Variants in CAMK2D observed in about 807,000 individuals in gnomAD.
CAMK2D encodes the protein calcium/calmodulin dependent protein kinase II delta.
CAMK2D carries 37 observed loss-of-function variants against 84.0 expected under a neutral mutation model. The ratio of observed to expected loss-of-function variants is 0.44; its 90% CI spans 0.34 to 0.58. The LOEUF is 0.58. CAMK2D is among the 20% of genes least tolerant of loss of function. The probability of loss-of-function intolerance (pLI) is 0.02; values close to 1 mark genes in which losing one functional copy is unlikely to be tolerated. For missense variants in CAMK2D, 448 were observed against 652.5 expected (o/e 0.69, Z 3.41); for synonymous variants, 202 against 212.5 (o/e 0.95, Z 0.43).
chr4:113,611,130 T>C (rs2098998617), intron 3 of CAMK2D, among the ~76,000 whole-genome samples: 1 of 152,036 alleles, frequency 6.6e-6, no homozygotes, highest in Non-Finnish European at 1.5e-5. Context: ...CTTCCATCAC[T>C]TTAATGGTGT....
Position 113,465,585 on chromosome 4 carries a change from G to A in CAMK2D, c.1155C>T (p.Ile385=), listed in dbSNP as rs2097449165. The change falls in exon 17 of 21, where the codon ATC becomes ATT. Residue 385 remains isoleucine (I), a synonymous_variant. Transcript: ENST00000511664. ...EDVKARKQEI[I]KVTEQLIEAI... Reference sequence around the variant, plus strand: ...CTTCGATCAGTTGTTCAGTGACTTTGATAATCTCTTGCTTTCGTGCTAAAG... The same window carrying A: ...CTTCGATCAGTTGTTCAGTGACTTTAATAATCTCTTGCTTTCGTGCTAAAG... The A allele has an allele frequency of 6.2e-7, 1 of 1,611,916 alleles. No homozygotes were observed. Among genetic ancestry groups the A allele is most frequent in the African/African-American group, 1.3e-5 (1 of 74,872 alleles).
chr4:113,695,012 G>A (rs556813911), intron 2 of CAMK2D, among the ~76,000 whole-genome samples: 69 of 152,160 alleles, frequency 4.5e-4, no homozygotes, highest in Non-Finnish European at 8.2e-4. Context: ...AATAAGTTTC[G>A]CACTTTCTAT....
intron 2 of CAMK2D, among the ~76,000 whole-genome samples, chr4:113,714,527 A>G (rs766293032): frequency 6.6e-6 from 1 of 152,092 alleles, no homozygotes; most frequent in African/African-American, 2.4e-5. Flanking sequence ...CAGGTGCAAG[A>G]GATGCACTCT....
chr4:113,669,712 G>A (rs1323198112), intron 2 of CAMK2D, among the ~76,000 whole-genome samples: 2 of 152,162 alleles, frequency 1.3e-5, no homozygotes, highest in Non-Finnish European at 2.9e-5. Context: ...ATCACTCACT[G>A]CATGTTCCAA....
At chr4:113,659,107 T>C (rs1287040453) in intron 3 of CAMK2D, among the ~76,000 whole-genome samples, 1 of 152,208 alleles carries the variant, frequency 6.6e-6, no homozygotes, top group African/African-American at 2.4e-5. Flanking sequence ...TTGTTTTAGC[T>C]TGGCAGTTTT....
intron 20 of CAMK2D, among the ~76,000 whole-genome samples, chr4:113,455,320 T>C (rs1482051371): frequency 6.6e-6 from 1 of 152,188 alleles, no homozygotes; most frequent in Non-Finnish European, 1.5e-5. Context: ...ACATTCGCCA[T>C]AGCCAGCTGC....
At chr4:113,482,024 A>G (rs914795012) in intron 16 of CAMK2D, among the ~76,000 whole-genome samples, 17 of 152,328 alleles carry the variant, frequency 1.1e-4, no homozygotes, top group African/African-American at 4.1e-4. Context: ...AAGGCAAGGC[A>G]TGTCTGAAGG....
chr4:113,494,897 G>A (rs1184616921), intron 16 of CAMK2D, among the ~76,000 whole-genome samples: 6 of 152,176 alleles, frequency 3.9e-5, no homozygotes, highest in Non-Finnish European at 7.3e-5. Flanking sequence ...GGAGTGACCC[G>A]ATTTTCCAGG....
At chr4:113,644,593 C>A (rs2099144269) in intron 3 of CAMK2D, among the ~76,000 whole-genome samples, 1 of 152,104 alleles carries the variant, frequency 6.6e-6, no homozygotes, top group South Asian at 2.1e-4. Flanking sequence ...ATAAGACCAA[C>A]AGCAAGACTG....
At chr4:113,546,761 C>T (rs2098577985) in intron 6 of CAMK2D, among the ~76,000 whole-genome samples, 1 of 152,120 alleles carries the variant, frequency 6.6e-6, no homozygotes, top group Non-Finnish European at 1.5e-5. Context: ...TTTTACTCAT[C>T]CAGTAGTTTT....
intron 16 of CAMK2D, among the ~76,000 whole-genome samples, chr4:113,481,602 C>T (rs1252026658): frequency 6.6e-6 from 1 of 152,166 alleles, no homozygotes; most frequent in Non-Finnish European, 1.5e-5. Flanking sequence ...GCCTCAGCCT[C>T]CCAAGTAGCT....
At chr4:113,543,371 GTA>G (rs2098544106) in intron 6 of CAMK2D, among the ~76,000 whole-genome samples, 2 of 140,968 alleles carry the variant, frequency 1.4e-5, no homozygotes, top group Admixed American at 1.5e-4. Flanking sequence ...TTTCACATAT[GTA>G]TATATATTGA....
At chr4:113,709,361 T>C (rs1043557940) in intron 2 of CAMK2D, among the ~76,000 whole-genome samples, 5 of 152,104 alleles carry the variant, frequency 3.3e-5, no homozygotes, top group African/African-American at 1.2e-4. Context: ...TAATATTCAC[T>C]GAATTATATC....
intron 16 of CAMK2D, among the ~76,000 whole-genome samples, chr4:113,476,960 CA>C (rs2097634276): frequency 6.6e-6 from 1 of 152,134 alleles, no homozygotes; most frequent in South Asian, 2.1e-4. Context: ...AACCAATCAG[CA>C]GCACCCTTTC....
chr4:113,655,651 C>T (rs2099196580), intron 3 of CAMK2D, among the ~76,000 whole-genome samples: 3 of 152,050 alleles, frequency 2.0e-5, no homozygotes, highest in South Asian at 4.1e-4. Flanking sequence ...TGGGACAACC[C>T]GGCAACAGAA....
At chr4:113,750,486 C>A (rs568441950) in intron 2 of CAMK2D, among the ~76,000 whole-genome samples, 1 of 152,294 alleles carries the variant, frequency 6.6e-6, no homozygotes, top group Non-Finnish European at 1.5e-5. Flanking sequence ...GCCCTGTGCA[C>A]GCGTCTATCA....
chr4:113,584,328 C>A (rs76966107), intron 4 of CAMK2D, among the ~76,000 whole-genome samples: 1 of 152,072 alleles, frequency 6.6e-6, no homozygotes, highest in African/African-American at 2.4e-5. Context: ...TGAGTCCAAA[C>A]GGTTTCAAAG....
At chr4:113,655,024 T>C (rs1038110198) in intron 3 of CAMK2D, among the ~76,000 whole-genome samples, 3 of 152,064 alleles carry the variant, frequency 2.0e-5, no homozygotes, top group African/African-American at 7.2e-5. Flanking sequence ...TACCCCATAA[T>C]AATGTACTCA....
intron 17 of CAMK2D, among the ~76,000 whole-genome samples, chr4:113,463,300 C>G (rs2097414730): frequency 6.6e-6 from 1 of 152,284 alleles, no homozygotes; most frequent in South Asian, 2.1e-4. Flanking sequence ...AATTTTACCT[C>G]TCAGAGGCAA....
Sources: allele counts gnomAD v4.1 joint callset (sites outside exome capture counted in the v4.1 genomes callset), GRCh38; gene constraint gnomAD v4.1.1; transcripts MANE v1.5; gene names NCBI Gene and HGNC (gene_info 2026-07-23, HGNC 2026-07-21).